ABTB2: variants seen among roughly 807,000 people sequenced by gnomAD.
ABTB2 encodes ankyrin repeat and BTB domain containing 2.
ABTB2 carries 56 observed loss-of-function variants against 104.1 expected under a neutral mutation model. The ratio of observed to expected loss-of-function variants is 0.54; its 90% CI spans 0.43 to 0.67. The LOEUF is 0.67. Among genes scored for constraint, ABTB2 ranks in the 30% least tolerant of loss-of-function variants. The pLI is 0.00. For synonymous variants in ABTB2, 606 were observed against 608.2 expected (o/e 1.00, Z 0.05); for missense variants, 1,279 against 1,407.7 (o/e 0.91, Z 1.46).
intron 1 of ABTB2, among the ~76,000 whole-genome samples, chr11:34,342,562 A>C (rs1007683326): frequency 6.6e-6 from 1 of 152,222 alleles, no homozygotes; most frequent in East Asian, 1.9e-4. Context: ...CTTGTTTTTC[A>C]GCAGCAAAAT....
intron 1 of ABTB2, among the ~76,000 whole-genome samples, chr11:34,269,777 C>T (rs1854292361): frequency 6.6e-6 from 1 of 152,262 alleles, no homozygotes; most frequent in Non-Finnish European, 1.5e-5. Flanking sequence ...AGCTTGTCAA[C>T]TCCTGATTTC....
Position 34,152,125 on chromosome 11 carries a change from A to G in ABTB2, c.*262T>C. The G allele has an allele frequency of 2.0e-6, 1 of 492,740 alleles. No individual in the cohort carries two copies. The highest frequency in any genetic ancestry group is 3.7e-6 in the Non-Finnish European group (1 of 269,258). 30.5% of individuals were successfully genotyped at this position (492,740 alleles called of 1,614,324 possible). ...GGAGAGCGACACCCCGGGGGAGTGC[A>G]TGGCTGCCCTTGAGTTGCAAACTGA... On this transcript the variant is annotated 3_prime_UTR_variant, in exon 17 of 17. Coordinates refer to ENST00000435224, the MANE Select transcript of ABTB2 (RefSeq NM_145804.3).
intron 1 of ABTB2, among the ~76,000 whole-genome samples, chr11:34,215,744 C>T (rs1222047436): frequency 6.6e-6 from 1 of 152,048 alleles, no homozygotes; most frequent in South Asian, 2.1e-4. Flanking sequence ...TAAATAAGCA[C>T]TTAGCAAAAG....
chr11:34,327,031 C>A (rs1428724001), intron 1 of ABTB2, among the ~76,000 whole-genome samples: 3 of 152,108 alleles, frequency 2.0e-5, no homozygotes, highest in African/African-American at 7.2e-5. Context: ...GCCAAGATTG[C>A]GCCACTACAC....
chr11:34,162,913 C>T (rs922280836), intron 9 of ABTB2, 108 bp from the exon 10 acceptor site: 10 of 1,105,038 alleles, frequency 9.0e-6, no homozygotes, highest in East Asian at 5.2e-5. Context: ...CTGGGGTACC[C>T]GAGGGCTCGG....
intron 1 of ABTB2, 116 bp from the exon 2 acceptor site, chr11:34,204,806 C>A: frequency 1.6e-6 from 2 of 1,217,342 alleles, no homozygotes; most frequent in South Asian, 1.6e-5. Flanking sequence ...GAGAGAGGTT[C>A]AGGAGGTAAA....
At chr11:34,291,370 G>C (rs760759734) in intron 1 of ABTB2, among the ~76,000 whole-genome samples, 2 of 152,232 alleles carry the variant, frequency 1.3e-5, no homozygotes, top group African/African-American at 2.4e-5. Context: ...CCCTCCATCA[G>C]CAGAACACAT....
rs757464844 is a variant in ABTB2 at position 34,197,411 on chromosome 11, C to T, written c.1158G>A (p.Thr386=). The part of the protein sequence containing the change: ...PITWSPDALH[T]LYYFLRCPQM... ...GTGGACACCGCAGAAAGTAGTAGAG[C>T]GTGTGGAGGGCGTCGGGGGACCAAG... Residue 386 remains threonine (T), a synonymous_variant, in exon 3 of 17, where the codon ACG becomes ACA. Transcript: ENST00000435224. The T allele has an allele frequency of 2.4e-5, 38 of 1,610,458 alleles. No homozygotes were observed. The highest frequency in any genetic ancestry group is 2.0e-4 in the East Asian group (9 of 44,766).
Position 34,299,012 on chromosome 11 carries a change from C to T in ABTB2, c.883+57689G>A, listed in dbSNP as rs192252421. 1.7e-3 allele frequency among the ~76,000 whole-genome samples: 266 copies of T among 152,298 alleles called. 2 individuals carry two copies. Among genetic ancestry groups the T allele is most frequent in the Admixed American group, 0.013 (199 of 15,298 alleles). Reference sequence around the variant, plus strand: ...AGGTTGCATAGGAGCTTTTCAGGGACGTCTGCATTAATCCTCTGCTCCATG... The same window carrying T: ...AGGTTGCATAGGAGCTTTTCAGGGATGTCTGCATTAATCCTCTGCTCCATG... On this transcript the variant is annotated intron_variant, in intron 1 of 16. Coordinates refer to ENST00000435224, the MANE Select transcript of ABTB2 (RefSeq NM_145804.3).
chr11:34,206,595 A>C (rs1439659871), intron 1 of ABTB2, among the ~76,000 whole-genome samples: 2 of 152,140 alleles, frequency 1.3e-5, no homozygotes, highest in Non-Finnish European at 2.9e-5. Flanking sequence ...AAGCTCACTC[A>C]TGGCTGTCCT....
rs1344216553 is a variant in ABTB2 at position 34,151,026 on chromosome 11, A to C, written c.*1361T>G. The C allele has an allele frequency of 6.5e-6, 1 of 152,822 alleles. No individual in the cohort carries two copies. The allele number at this position is 152,822 out of a possible 1,614,324, so 9.5% of individuals were successfully genotyped here. A position where few individuals can be genotyped will look rare whatever the true frequency, so the allele number is the denominator to read the frequency against. On this transcript the variant is annotated 3_prime_UTR_variant, in exon 17 of 17. Transcript: ENST00000435224. ...TGTTTATTGTTAATAAAACCATAGT[A>C]CATTTACAGTAAGTGACAACATTAT...
chr11:34,186,679 G>C (rs868164832), intron 3 of ABTB2, among the ~76,000 whole-genome samples: 1 of 152,216 alleles, frequency 6.6e-6, no homozygotes, highest in South Asian at 2.1e-4. Context: ...GCCCTGGGGG[G>C]TGCTTGTCAG....
Position 34,162,575 on chromosome 11 carries a change from C to G in ABTB2, c.2218+1G>C, listed in dbSNP as rs774076704. 1 of 1,613,090 alleles carries G rather than the reference C, an allele frequency of 6.2e-7. No individual in the cohort carries two copies. The stretch of plus-strand genomic sequence containing the variant: ...GGGTGTGCATGCCCGTGAGGCCTCA[C>G]CCAGTGCCCTCAGCTCCATGGTGAT... On this transcript the variant is annotated splice_donor_variant, in intron 10 of 16. Coordinates refer to ENST00000435224, the MANE Select transcript of ABTB2 (RefSeq NM_145804.3). LOFTEE classifies it high-confidence loss of function.
chr11:34,274,799 C>T (rs1224585710), intron 1 of ABTB2, among the ~76,000 whole-genome samples: 6 of 151,932 alleles, frequency 3.9e-5, no homozygotes, highest in Non-Finnish European at 7.4e-5. Context: ...CAGTCTTGGC[C>T]GAGTGCAGTA....
rs904539978 is a variant in ABTB2 at position 34,152,703 on chromosome 11, G to C, written c.2881-119C>G. On this transcript the variant is annotated intron_variant, in intron 16 of 16. Coordinates refer to ENST00000435224, the MANE Select transcript of ABTB2 (RefSeq NM_145804.3). ...CTGATTAAGCCCCACTCTGGCCAGG[G>C]TAGGCGTTCCCTGTCCCTGCATCCT... 2.8e-5 allele frequency: 28 copies of C among 989,746 alleles called. No homozygotes were observed. In the Admixed American group the frequency reaches 3.0e-4, roughly 11 times the overall value. 61.3% of individuals were successfully genotyped at this position (989,746 alleles called of 1,614,324 possible). A position where few individuals can be genotyped will look rare whatever the true frequency, so the allele number is the denominator to read the frequency against.
intron 1 of ABTB2, among the ~76,000 whole-genome samples, chr11:34,306,549 G>C (rs1854775182): frequency 6.6e-6 from 1 of 151,952 alleles, no homozygotes; most frequent in Non-Finnish European, 1.5e-5. Flanking sequence ...GCCCAGACTG[G>C]AAAGCTGTTT....
chr11:34,183,176 C>A (rs1853050447), intron 3 of ABTB2, among the ~76,000 whole-genome samples: 1 of 152,134 alleles, frequency 6.6e-6, no homozygotes, highest in African/African-American at 2.4e-5. Context: ...TCACATCTCA[C>A]TGTAGCCTCA....
intron 1 of ABTB2, among the ~76,000 whole-genome samples, chr11:34,316,970 C>T (rs1590253828): frequency 2.0e-5 from 3 of 152,168 alleles, no homozygotes; most frequent in Admixed American, 6.5e-5. Context: ...CACTCCAGCC[C>T]CATCAGTGTC....
At chr11:34,281,885 T>A (rs1039039664) in intron 1 of ABTB2, among the ~76,000 whole-genome samples, 1 of 151,496 alleles carries the variant, frequency 6.6e-6, no homozygotes, top group Non-Finnish European at 1.5e-5. Context: ...ACAGATGAAG[T>A]TCACAGCAGT....
Sources: gnomAD v4.1 joint callset for allele counts (sites outside exome capture counted in the v4.1 genomes callset) on GRCh38, gnomAD v4.1.1 for gene constraint, MANE v1.5 for transcripts, NCBI Gene and HGNC (gene_info 2026-07-23, HGNC 2026-07-21) for gene names.